Variants in CCDC171 observed in about 807,000 individuals in gnomAD.
The protein encoded by CCDC171 is coiled-coil domain containing 171.
CCDC171 carries 177 observed loss-of-function variants against 168.2 expected under a neutral mutation model. The ratio of observed to expected loss-of-function variants is 1.05; its 90% confidence interval spans 0.93 to 1.19. The LOEUF (loss-of-function observed/expected upper bound fraction) is 1.19, where lower values mean the gene tolerates loss of function less well. Among genes scored for constraint, CCDC171 ranks in the 50% most tolerant of loss-of-function variants. The probability of loss-of-function intolerance (pLI) is 0.00; values close to 1 mark genes in which losing one functional copy is unlikely to be tolerated. For missense variants in CCDC171, 1,991 were observed against 1,539.0 expected (o/e 1.29, Z -4.91); for synonymous variants, 687 against 540.8 (o/e 1.27, Z -3.75).
At chr9:16,042,072 G>C (rs1833581724), upstream of CCDC171, among the ~76,000 whole-genome samples, 1 of 152,174 alleles carries the variant, frequency 6.6e-6, no homozygotes, top group South Asian at 2.1e-4. Context: ...CAAAGAAACT[G>C]CCAGGGAGTT....
intron 25 of CCDC171, among the ~76,000 whole-genome samples, chr9:15,929,278 A>G (rs1281116827): frequency 6.6e-6 from 1 of 151,728 alleles, no homozygotes; most frequent in African/African-American, 2.4e-5. Context: ...AGTTTTTCAA[A>G]GAATGGCAAC....
chr9:15,841,795 T>C (rs892340240), intron 21 of CCDC171, among the ~76,000 whole-genome samples: 1 of 151,938 alleles, frequency 6.6e-6, no homozygotes, highest in Non-Finnish European at 1.5e-5. Context: ...GTTTCATTCC[T>C]AACTTGCTTA....
intron 3 of CCDC171, among the ~76,000 whole-genome samples, chr9:15,991,594 G>C (rs1424757240): frequency 6.6e-6 from 1 of 152,130 alleles, no homozygotes; most frequent in Non-Finnish European, 1.5e-5. Flanking sequence ...CAGAACTGAA[G>C]GAGATACAGA....
intron 17 of CCDC171, 45 bp from the exon 18 acceptor site, chr9:15,745,470 A>G: frequency 8.1e-7 from 1 of 1,232,886 alleles, no homozygotes; most frequent in East Asian, 2.5e-5. Context: ...ATAGATTTTA[A>G]TAAAGTTTTG....
intron 25 of CCDC171, among the ~76,000 whole-genome samples, chr9:15,948,566 C>T (rs1184290115): frequency 6.6e-6 from 1 of 152,034 alleles, no homozygotes; most frequent in Non-Finnish European, 1.5e-5. Context: ...TTGCATTGCT[C>T]TGATGGCCAG....
At chr9:16,102,657 G>A in the CCDC171 span, among the ~76,000 whole-genome samples, 1 of 152,156 alleles carries the variant, frequency 6.6e-6, no homozygotes, top group African/African-American at 2.4e-5. Flanking sequence ...AGGGTCAGAA[G>A]ATCTGTTTGT....
At chr9:15,759,184 A>G (rs968658858) in intron 18 of CCDC171, among the ~76,000 whole-genome samples, 13 of 152,010 alleles carry the variant, frequency 8.6e-5, no homozygotes, top group East Asian at 1.9e-4. Flanking sequence ...TGATAATATC[A>G]TAGAGTACAT....
intron 23 of CCDC171, among the ~76,000 whole-genome samples, chr9:15,864,004 G>A (rs1005982768): frequency 6.6e-6 from 1 of 152,062 alleles, no homozygotes; most frequent in Non-Finnish European, 1.5e-5. Flanking sequence ...TATAGCAACT[G>A]AAGTCTCTGT....
chr9:16,024,916 G>A (rs1265257341), intron 6 of CCDC171, among the ~76,000 whole-genome samples: 3 of 152,176 alleles, frequency 2.0e-5, no homozygotes, highest in Non-Finnish European at 2.9e-5. Context: ...CAGATGCCTG[G>A]GACTGAGGCA....
chr9:15,819,149 A>G (rs2059670273), intron 21 of CCDC171, among the ~76,000 whole-genome samples: 2 of 117,704 alleles, frequency 1.7e-5, no homozygotes, highest in East Asian at 2.1e-4. Flanking sequence ...ATGCTGAGAG[A>G]TTTTGTCATC....
intron 23 of CCDC171, among the ~76,000 whole-genome samples, chr9:15,854,987 G>A (rs891573138): frequency 1.3e-5 from 2 of 151,532 alleles, no homozygotes; most frequent in Non-Finnish European, 3.0e-5. Flanking sequence ...AAAGTTCGTT[G>A]TATGCTCCAA....
At chr9:15,698,815 A>G (rs555333885) in intron 11 of CCDC171, among the ~76,000 whole-genome samples, 4 of 152,230 alleles carry the variant, frequency 2.6e-5, no homozygotes, top group African/African-American at 9.6e-5. Context: ...AGCCTCCTAA[A>G]TAGCTAGGAC....
chr9:15,569,880 T>C (rs1221418506), intron 2 of CCDC171, among the ~76,000 whole-genome samples: 3 of 152,098 alleles, frequency 2.0e-5, no homozygotes. Flanking sequence ...TCTCCATCTC[T>C]TTTTTTGCTT....
At chr9:15,684,545 A>G (rs993727152) in intron 10 of CCDC171, among the ~76,000 whole-genome samples, 1 of 152,116 alleles carries the variant, frequency 6.6e-6, no homozygotes, top group Admixed American at 6.5e-5. Context: ...CAAGGCTCTC[A>G]ATCGAAATTT....
chr9:15,635,928 C>G (rs760585338), intron 7 of CCDC171, among the ~76,000 whole-genome samples: 22 of 152,272 alleles, frequency 1.4e-4, no homozygotes, highest in Non-Finnish European at 2.9e-4. Flanking sequence ...GTTCTAGTTT[C>G]TCTAGATCCT....
At chr9:16,002,493 C>T (rs1050720564) in intron 3 of CCDC171, among the ~76,000 whole-genome samples, 4 of 152,052 alleles carry the variant, frequency 2.6e-5, no homozygotes, top group Non-Finnish European at 4.4e-5. Context: ...TACAACTGTA[C>T]GTTGTGTTCG....
chr9:15,613,633 C>T (rs1429801612), intron 6 of CCDC171, among the ~76,000 whole-genome samples: 2 of 151,784 alleles, frequency 1.3e-5, no homozygotes, highest in Non-Finnish European at 2.9e-5. Flanking sequence ...AGCGGTTCTC[C>T]TGCCTCAGCC....
rs961959505 is a variant in CCDC171 at position 15,828,780 on chromosome 9, T to G, written c.3268-17922T>G. On this transcript the variant is annotated intron_variant, in intron 21 of 25. Coordinates refer to ENST00000380701, the MANE Select transcript of CCDC171 (RefSeq NM_173550.4). ...TAGAGAAAACAGAATGAAAACTGTTTTTTCAAACTGGAATGAAAACGATTT... is the reference window on the plus strand; with the variant it reads ...TAGAGAAAACAGAATGAAAACTGTTGTTTCAAACTGGAATGAAAACGATTT... Among the ~76,000 whole-genome samples, 5 of 152,242 alleles carry G rather than the reference T, an allele frequency of 3.3e-5. No individual in the cohort carries two copies. The South Asian group carries it at 1.0e-3, about 31-fold the overall frequency.
intron 21 of CCDC171, among the ~76,000 whole-genome samples, chr9:15,844,184 A>C (rs778430603): frequency 3.3e-5 from 5 of 152,040 alleles, no homozygotes; most frequent in Non-Finnish European, 5.9e-5. Flanking sequence ...TTTGTCATTC[A>C]GTTGGAAATA....
Sources: allele counts gnomAD v4.1 joint callset (sites outside exome capture counted in the v4.1 genomes callset), GRCh38; gene constraint gnomAD v4.1.1; transcripts MANE v1.5; gene names NCBI Gene and HGNC (gene_info 2026-07-23, HGNC 2026-07-21).